Variants in GRAMD2B observed in about 807,000 individuals in gnomAD.
GRAMD2B encodes the protein GRAM domain containing 2B, also known as GRAM domain-containing protein 2B.
A neutral mutation model predicts 59.2 loss-of-function variants in GRAMD2B; 41 were observed. That is an observed-to-expected ratio of 0.69 (90% CI 0.54 to 0.90). The LOEUF (loss-of-function observed/expected upper bound fraction) is 0.90, where lower values mean the gene tolerates loss of function less well. GRAMD2B is among the 40% of genes least tolerant of loss of function. The probability of loss-of-function intolerance (pLI) is 0.00; values close to 1 mark genes in which losing one functional copy is unlikely to be tolerated. For missense variants in GRAMD2B, 424 were observed against 500.5 expected (o/e 0.85, Z 1.46); for synonymous variants, 161 against 182.7 (o/e 0.88, Z 0.96).
intron 1 of GRAMD2B, among the ~76,000 whole-genome samples, chr5:126,376,228 A>G (rs1755172111): frequency 6.6e-6 from 1 of 152,198 alleles, no homozygotes; most frequent in African/African-American, 2.4e-5. Flanking sequence ...TGGGAGTACA[A>G]ACAAGGCCCA....
intron 1 of GRAMD2B, among the ~76,000 whole-genome samples, chr5:126,407,248 G>C (rs1428199428): frequency 1.3e-5 from 2 of 151,934 alleles, no homozygotes; most frequent in Non-Finnish European, 2.9e-5. Context: ...ATTTTAGTTA[G>C]GTCCCTAGTA....
intron 1 of GRAMD2B, among the ~76,000 whole-genome samples, chr5:126,429,875 T>G (rs1761284279): frequency 6.6e-6 from 1 of 152,224 alleles, no homozygotes. Context: ...TCCAGCTAAT[T>G]TAAATATTGC....
At chr5:126,467,095 G>C (rs1768583009) in intron 2 of GRAMD2B, among the ~76,000 whole-genome samples, 1 of 152,090 alleles carries the variant, frequency 6.6e-6, no homozygotes, top group African/African-American at 2.4e-5. Context: ...TTCGAGACCA[G>C]CCTGGCTAAC....
intron 1 of GRAMD2B, among the ~76,000 whole-genome samples, chr5:126,379,678 T>C (rs1362243871): frequency 1.3e-5 from 2 of 152,146 alleles, no homozygotes; most frequent in East Asian, 3.8e-4. Context: ...CATTTTATCA[T>C]ATGTTTGTTA....
intron 1 of GRAMD2B, among the ~76,000 whole-genome samples, chr5:126,376,166 A>C (rs1755166660): frequency 6.6e-6 from 1 of 152,222 alleles, no homozygotes; most frequent in Admixed American, 6.5e-5. Flanking sequence ...CATTAGGCAA[A>C]AGTGAAAGTT....
intron 1 of GRAMD2B, among the ~76,000 whole-genome samples, chr5:126,405,028 G>A (rs541792429): frequency 3.5e-4 from 53 of 152,006 alleles, no homozygotes; most frequent in Non-Finnish European, 4.7e-4. Flanking sequence ...CAAATTATAA[G>A]TGGTAGATCA....
chr5:126,365,348 C>T (rs1366278015), intron 1 of GRAMD2B, among the ~76,000 whole-genome samples: 6 of 152,168 alleles, frequency 3.9e-5, no homozygotes, highest in Non-Finnish European at 8.8e-5. Context: ...AATAATCATA[C>T]TATCTTCAGA....
At chr5:126,388,807 C>A (rs774964996) in intron 1 of GRAMD2B, among the ~76,000 whole-genome samples, 52 of 151,528 alleles carry the variant, frequency 3.4e-4, no homozygotes, top group Non-Finnish European at 6.3e-4. Flanking sequence ...TATTATATAC[C>A]ACATTTGGGG....
chr5:126,423,534 C>T lies in GRAMD2B; in HGVS notation c.-73C>T, dbSNP rs901263347. On this transcript the variant is annotated 5_prime_UTR_variant, in exon 1 of 14. Transcript: ENST00000285689. ...CGCTTGCTTGGCCTGCGCACCCGGA[C>T]CTAGAAGCCGGGACGAGCCGGGGCA... The T allele has an allele frequency of 5.8e-6, 9 of 1,565,170 alleles. No homozygotes were observed. In the African/African-American group the frequency reaches 9.5e-5, roughly 17 times the overall value.
chr5:126,467,001 G>A (rs974855153), intron 2 of GRAMD2B, among the ~76,000 whole-genome samples: 2 of 152,138 alleles, frequency 1.3e-5, no homozygotes, highest in Non-Finnish European at 2.9e-5. Flanking sequence ...TAATTTTTAT[G>A]TAAGGGGGCC....
At chr5:126,410,938 C>T (rs1381856384) in intron 1 of GRAMD2B, among the ~76,000 whole-genome samples, 2 of 151,870 alleles carry the variant, frequency 1.3e-5, no homozygotes, top group East Asian at 3.9e-4. Context: ...ATGTCTTTTG[C>T]TCATTTTTAA....
rs1460092010 is a variant in GRAMD2B at position 126,493,777 on chromosome 5, G to C, written c.*821G>C. ...AAAACACTGAATTTTTAAGACTGTA[G>C]GTGGACTATGTTAGTAGTTTTCAAG... On this transcript the variant is annotated 3_prime_UTR_variant, in exon 14 of 14. Coordinates refer to ENST00000285689, the MANE Select transcript of GRAMD2B (RefSeq NM_023927.4). 1 of 152,546 alleles carries C rather than the reference G, an allele frequency of 6.6e-6. No homozygotes were observed. Among genetic ancestry groups the C allele is most frequent in the Non-Finnish European group, 1.5e-5 (1 of 68,030 alleles). The allele number at this position is 152,546 out of a possible 1,614,324, so 9.4% of individuals were successfully genotyped here.
intron 1 of GRAMD2B, among the ~76,000 whole-genome samples, chr5:126,396,679 T>G (rs967552885): frequency 2.0e-5 from 3 of 152,222 alleles, no homozygotes; most frequent in Non-Finnish European, 2.9e-5. Flanking sequence ...TTTATATTCC[T>G]TTTGGTATAT....
At chr5:126,426,829 G>A (rs1227544067) in intron 1 of GRAMD2B, among the ~76,000 whole-genome samples, 1 of 152,154 alleles carries the variant, frequency 6.6e-6, no homozygotes, top group Non-Finnish European at 1.5e-5. Context: ...ACTTGCCCGA[G>A]AGCTGTGGCT....
chr5:126,383,331 T>C (rs1755821550), intron 1 of GRAMD2B, among the ~76,000 whole-genome samples: 1 of 152,214 alleles, frequency 6.6e-6, no homozygotes, highest in Non-Finnish European at 1.5e-5. Context: ...GTAATTGAAT[T>C]GAAGGTTCTA....
chr5:126,485,234 C>G (rs1256603004), intron 10 of GRAMD2B, among the ~76,000 whole-genome samples: 1 of 151,988 alleles, frequency 6.6e-6, no homozygotes, highest in Non-Finnish European at 1.5e-5. Flanking sequence ...GTTTGTAGTT[C>G]CAGCTACTTG....
In GRAMD2B at chr5:126,493,052, A is replaced by G; in HGVS notation, c.*96A>G. 1 of 847,474 alleles carries G rather than the reference A, an allele frequency of 1.2e-6. No homozygotes were observed. Among genetic ancestry groups the G allele is most frequent in the Non-Finnish European group, 2.0e-6 (1 of 504,736 alleles). 52.5% of individuals were successfully genotyped at this position (847,474 alleles called of 1,614,324 possible). On this transcript the variant is annotated 3_prime_UTR_variant, in exon 14 of 14. Transcript: ENST00000285689. ...TGTTTGAGTGCACCCTGCTGGTCAG[A>G]GGTGCAAGCAGATGAGAATCCAGAC... is the stretch of plus-strand genomic sequence containing the variant.
chr5:126,470,253 C>T (rs887850455), intron 3 of GRAMD2B, among the ~76,000 whole-genome samples: 5 of 152,108 alleles, frequency 3.3e-5, no homozygotes, highest in Admixed American at 6.5e-5. Flanking sequence ...TTAAAATATA[C>T]CCAGATAGGA....
intron 1 of GRAMD2B, among the ~76,000 whole-genome samples, chr5:126,402,850 C>G (rs530685582): frequency 6.6e-6 from 1 of 152,084 alleles, no homozygotes; most frequent in East Asian, 1.9e-4. Flanking sequence ...ACACATCTGG[C>G]CCCATGAGTT....
Sources: allele counts gnomAD v4.1 joint callset (sites outside exome capture counted in the v4.1 genomes callset), GRCh38; gene constraint gnomAD v4.1.1; transcripts MANE v1.5; gene names NCBI Gene and HGNC (gene_info 2026-07-23, HGNC 2026-07-21).